The following NR3C2 variants were observed in gnomAD, a reference collection of about 807,000 sequenced individuals.
NR3C2 encodes the protein nuclear receptor subfamily 3 group C member 2, also known as mineralocorticoid receptor.
A neutral mutation model predicts 86.4 loss-of-function variants in NR3C2; 15 were observed. That is an observed-to-expected ratio of 0.17 (90% CI 0.12 to 0.27). The LOEUF (loss-of-function observed/expected upper bound fraction) is 0.27. Ranked by LOEUF, NR3C2 falls within the 10% of genes least tolerant of loss-of-function variation. The pLI is 1.00. For missense variants in NR3C2, 960 were observed against 1,195.6 expected (o/e 0.80, Z 2.91); for synonymous variants, 458 against 450.5 (o/e 1.02, Z -0.21).
intron 2 of NR3C2, among the ~76,000 whole-genome samples, chr4:148,381,232 GAAA>G (rs5862837): frequency 5.3e-4 from 71 of 134,050 alleles, no homozygotes; most frequent in African/African-American, 1.8e-3. Context: ...TGTCTCAAAA[GAAA>G]AAAAAAAAAA....
upstream of NR3C2, chr4:148,444,893 G>C: frequency 2.0e-6 from 2 of 984,812 alleles, no homozygotes; most frequent in South Asian, 9.4e-5. Context: ...CGCGCCCGCC[G>C]CTCCGCAGCG....
chr4:148,291,143 C>T (rs948675753), intron 2 of NR3C2, among the ~76,000 whole-genome samples: 1 of 152,034 alleles, frequency 6.6e-6, no homozygotes, highest in Non-Finnish European at 1.5e-5. Context: ...AATGAATGAT[C>T]CACATTATTT....
chr4:148,299,301 C>CT (rs968730290), intron 2 of NR3C2, among the ~76,000 whole-genome samples: 5 of 151,998 alleles, frequency 3.3e-5, no homozygotes, highest in Admixed American at 6.5e-5. Flanking sequence ...ATCTTTTCCC[C>CT]TTTTTTTTCT....
intron 2 of NR3C2, among the ~76,000 whole-genome samples, chr4:148,352,962 A>T (rs1400532267): frequency 6.6e-6 from 1 of 152,204 alleles, no homozygotes; most frequent in Non-Finnish European, 1.5e-5. Flanking sequence ...AATAAACATT[A>T]ATGAGAACAC....
At chr4:148,159,461 A>G (rs1734556362) in intron 4 of NR3C2, among the ~76,000 whole-genome samples, 1 of 152,246 alleles carries the variant, frequency 6.6e-6, no homozygotes, top group African/African-American at 2.4e-5. Context: ...TGTTCCAAGC[A>G]CAGTTCAAAA....
At chr4:148,106,973 C>T (rs761068961) in intron 8 of NR3C2, among the ~76,000 whole-genome samples, 7 of 152,098 alleles carry the variant, frequency 4.6e-5, no homozygotes, top group Non-Finnish European at 1.0e-4. Context: ...GAGTAAAACA[C>T]CTAAAGCAAT....
intron 2 of NR3C2, among the ~76,000 whole-genome samples, chr4:148,295,039 T>C (rs1383783831): frequency 6.6e-6 from 1 of 152,100 alleles, no homozygotes; most frequent in Non-Finnish European, 1.5e-5. Flanking sequence ...CAGATGATGA[T>C]GAAATAAGCA....
At chr4:148,144,251 C>T (rs1733759595) in intron 6 of NR3C2, among the ~76,000 whole-genome samples, 1 of 152,126 alleles carries the variant, frequency 6.6e-6, no homozygotes, top group Non-Finnish European at 1.5e-5. Context: ...GTCACCCAGG[C>T]TGGGGTGCAG....
intron 4 of NR3C2, among the ~76,000 whole-genome samples, chr4:148,158,579 T>TA (rs1734508503): frequency 2.0e-5 from 3 of 152,234 alleles, no homozygotes; most frequent in Non-Finnish European, 4.4e-5. Flanking sequence ...GTTCTCATCC[T>TA]TTATAGGACC....
chr4:148,197,931 A>G (rs1260633379), intron 3 of NR3C2, among the ~76,000 whole-genome samples: 1 of 152,156 alleles, frequency 6.6e-6, no homozygotes, highest in Non-Finnish European at 1.5e-5. Context: ...TTAGTCATCC[A>G]TCCGTGTACT....
intron 1 of NR3C2, among the ~76,000 whole-genome samples, chr4:148,437,685 T>G (rs1364188845): frequency 1.3e-5 from 2 of 152,196 alleles, no homozygotes; most frequent in Admixed American, 1.3e-4. Context: ...CAACCAGAAA[T>G]GTTTACTCTC....
chr4:148,345,799 A>G (rs1423927706), intron 2 of NR3C2, among the ~76,000 whole-genome samples: 5 of 152,044 alleles, frequency 3.3e-5, no homozygotes, highest in African/African-American at 1.2e-4. Context: ...AATACTGACT[A>G]CAGGCCAGGT....
chr4:148,142,679 A>T (rs2149754982), intron 6 of NR3C2, among the ~76,000 whole-genome samples: 1 of 152,146 alleles, frequency 6.6e-6, no homozygotes, highest in East Asian at 1.9e-4. Context: ...TATTTTTGGT[A>T]GAGACAGGGT....
chr4:148,266,213 C>T (rs1740382566), intron 2 of NR3C2, among the ~76,000 whole-genome samples: 1 of 152,060 alleles, frequency 6.6e-6, no homozygotes, highest in Admixed American at 6.5e-5. Flanking sequence ...GCTGGGACTA[C>T]AGGTGTGCGC....
At chr4:148,302,025 G>A (rs116460041) in intron 2 of NR3C2, among the ~76,000 whole-genome samples, 4,587 of 152,274 alleles carry the variant, frequency 0.03, 99 homozygotes, top group African/African-American at 0.064. Flanking sequence ...GTAAACCACA[G>A]AGATAACCAG....
intron 4 of NR3C2, 115 bp from the exon 5 acceptor site, chr4:148,155,016 A>G (rs966909634): frequency 2.4e-6 from 2 of 817,292 alleles, no homozygotes; most frequent in African/African-American, 3.4e-5. Context: ...CAATAGGAAC[A>G]TGACCGTTTA....
chr4:148,143,790 A>G (rs537266606), intron 6 of NR3C2, among the ~76,000 whole-genome samples: 2 of 152,182 alleles, frequency 1.3e-5, no homozygotes, highest in East Asian at 3.9e-4. Flanking sequence ...TACTAAAAAA[A>G]TACAAAATTA....
intron 2 of NR3C2, among the ~76,000 whole-genome samples, chr4:148,298,106 A>C (rs1209520404): frequency 1.3e-5 from 2 of 152,196 alleles, no homozygotes; most frequent in Admixed American, 6.5e-5. Context: ...TTACCCAATA[A>C]AATGAAAACA....
intron 2 of NR3C2, among the ~76,000 whole-genome samples, chr4:148,404,685 A>T (rs556827564): frequency 1.3e-5 from 2 of 152,322 alleles, no homozygotes; most frequent in African/African-American, 4.8e-5. Context: ...GCAAAATGAT[A>T]AAATGATTTT....
Sources: allele counts gnomAD v4.1 joint callset (sites outside exome capture counted in the v4.1 genomes callset), GRCh38; gene constraint gnomAD v4.1.1; transcripts MANE v1.5; gene names NCBI Gene and HGNC (gene_info 2026-07-23, HGNC 2026-07-21).